The following ZSCAN5A variants were observed in gnomAD, a reference collection of about 807,000 sequenced individuals.
The protein encoded by ZSCAN5A is zinc finger and SCAN domain-containing protein 5A.
Under a neutral mutation model 23.7 loss-of-function variants are expected in ZSCAN5A, and 12 were observed. The ratio of observed to expected loss-of-function variants is 0.51; its 90% CI spans 0.32 to 0.82. The LOEUF is 0.82. Ranked by LOEUF, ZSCAN5A falls within the 40% of genes least tolerant of loss-of-function variation. ZSCAN5A has a pLI of 0.03. For synonymous variants in ZSCAN5A, 257 were observed against 239.9 expected, an observed-to-expected ratio of 1.07 and a Z score of -0.66; for missense variants, 597 against 617.9, an observed-to-expected ratio of 0.97 and a Z score of 0.36.
intron 2 of ZSCAN5A, among the ~76,000 whole-genome samples, chr19:56,271,821 A>G (rs1445835513): frequency 6.6e-6 from 1 of 152,156 alleles, no homozygotes; most frequent in Non-Finnish European, 1.5e-5. Context: ...AGTGGTCTCT[A>G]CACTCTGCCT....
At chr19:56,360,599 A>T (rs2041728049) in intron 2 of ZSCAN5A, among the ~76,000 whole-genome samples, 1 of 152,228 alleles carries the variant, frequency 6.6e-6, no homozygotes, top group African/African-American at 2.4e-5. Flanking sequence ...TTCCCTATTT[A>T]AAAATGATGT....
chr19:56,222,379 C>A, intron 5 of ZSCAN5A, 53 bp from the exon 6 acceptor site: 5 of 1,592,084 alleles, frequency 3.1e-6, no homozygotes, highest in Admixed American at 1.7e-5. Context: ...TTCAATACAC[C>A]AAACTCATTG....
chr19:56,353,653 G>A (rs2041682956), intron 2 of ZSCAN5A, among the ~76,000 whole-genome samples: 1 of 151,944 alleles, frequency 6.6e-6, no homozygotes, highest in Admixed American at 6.6e-5. Context: ...GTGGTGGCAG[G>A]CACCTGTAGT....
intron 2 of ZSCAN5A, among the ~76,000 whole-genome samples, chr19:56,288,033 G>A (rs984558247): frequency 6.6e-6 from 1 of 152,208 alleles, no homozygotes; most frequent in African/African-American, 2.4e-5. Context: ...TGAGGAGACT[G>A]AGGCACAAGG....
In ZSCAN5A at chr19:56,327,712, A is replaced by C. The variant is rs973142080; in HGVS notation, c.-357-11444T>G. Among the ~76,000 whole-genome samples the C allele has an allele frequency of 8.6e-5, 13 of 151,564 alleles. No homozygotes were observed. In the South Asian group the frequency reaches 1.7e-3, roughly 19 times the overall value. On this transcript the variant is annotated intron_variant, in intron 2 of 6. Transcript: ENST00000587340. ...CTATACAAATACTATACAATACATA[A>C]ATTTATGTATATATTCAATTTTACA...
In ZSCAN5A at chr19:56,358,477, C is replaced by T. The variant is rs985729683; in HGVS notation, c.-358+4758G>A. 4.0e-5 allele frequency among the ~76,000 whole-genome samples: 5 copies of T among 125,744 alleles called. 1 individual carries two copies. Among genetic ancestry groups the T allele is most frequent in the Admixed American group, 2.2e-4 (3 of 13,580 alleles). The allele number at this position is 125,744 out of a possible 152,430, so 82.5% of individuals were successfully genotyped here. Reference sequence around the variant, plus strand: ...GACTTGAATACCCACCCAATAATAGCGGGAGACTTTAATACCTCACTGCCA... The same window carrying T: ...GACTTGAATACCCACCCAATAATAGTGGGAGACTTTAATACCTCACTGCCA... On this transcript the variant is annotated intron_variant, in intron 2 of 6. Coordinates refer to the ZSCAN5A transcript ENST00000587340.
rs1190390490 is a variant in ZSCAN5A, at chr19:56,222,699, C to T, written c.631G>A (p.Asp211Asn). 6.2e-7 allele frequency: 1 copy of T among 1,614,036 alleles called. No homozygotes were observed. The highest frequency in any genetic ancestry group is 8.5e-7 in the Non-Finnish European group (1 of 1,180,042). The change falls in exon 5 of 6, where the codon GAC (aspartate) becomes AAC (asparagine). Residue 211 changes from aspartate to asparagine, a missense_variant. Coordinates refer to ENST00000683990, the MANE Select transcript of ZSCAN5A (RefSeq NM_001322064.3). ...LLHKSIDVTGDPKSLRPKQTL... is the reference protein window; with the variant it reads ...LLHKSIDVTGNPKSLRPKQTL... ...TGCTTGGGTCTCAGAGACTTTGGGT[C>T]ACCTGTTACGTCAATACTCTTGTGT...
At chr19:56,365,923 A>G (rs77080105) in intron 1 of ZSCAN5A, 5,095 of 152,342 alleles carry the variant, frequency 0.033, 108 homozygotes, top group Middle Eastern at 0.088. Flanking sequence ...CTCACAGTGA[A>G]GATCTGAGAA....
chr19:56,301,405 T>G (rs1270695690), intron 2 of ZSCAN5A, among the ~76,000 whole-genome samples: 1 of 152,076 alleles, frequency 6.6e-6, no homozygotes, highest in Non-Finnish European at 1.5e-5. Flanking sequence ...CTGGTGGGCG[T>G]GTCTCTTAGC....
At chr19:56,222,486 G>A in intron 5 of ZSCAN5A, 105 bp downstream of exon 5, 1 of 1,553,026 alleles carries the variant, frequency 6.4e-7, no homozygotes, top group African/African-American at 1.4e-5. Flanking sequence ...GGGAGGCTTT[G>A]ACAGCTGAGT....
intron 2 of ZSCAN5A, among the ~76,000 whole-genome samples, chr19:56,309,361 CCA>C (rs1485676212): frequency 6.6e-6 from 1 of 152,120 alleles, no homozygotes; most frequent in East Asian, 1.9e-4. Context: ...TGAAAATGTT[CCA>C]CTCTTAGAAG....
intron 2 of ZSCAN5A, among the ~76,000 whole-genome samples, chr19:56,329,125 G>A (rs553295797): frequency 6.6e-6 from 1 of 152,220 alleles, no homozygotes; most frequent in African/African-American, 2.4e-5. Context: ...AAGGTGGATG[G>A]ATCAGTTGAG....
intron 2 of ZSCAN5A, among the ~76,000 whole-genome samples, chr19:56,323,533 CTTTT>C (rs35501936): frequency 4.0e-5 from 5 of 123,648 alleles, no homozygotes; most frequent in Admixed American, 8.1e-5. Flanking sequence ...TGAGGCAGAA[CTTTT>C]TTTTTTTTTT....
chr19:56,361,087 T>G (rs2041731155), intron 2 of ZSCAN5A, among the ~76,000 whole-genome samples: 1 of 151,824 alleles, frequency 6.6e-6, no homozygotes, highest in South Asian at 2.1e-4. Context: ...AAAAAAAAGC[T>G]GAATATCACT....
intron 2 of ZSCAN5A, among the ~76,000 whole-genome samples, chr19:56,306,384 C>T (rs2040692489): frequency 1.9e-5 from 2 of 105,760 alleles, no homozygotes; most frequent in East Asian, 3.0e-4. Context: ...TCTCCCACGT[C>T]GCCAGAGAAA....
intron 2 of ZSCAN5A, among the ~76,000 whole-genome samples, chr19:56,270,959 C>G (rs912416666): frequency 2.0e-5 from 3 of 152,198 alleles, no homozygotes; most frequent in African/African-American, 7.2e-5. Flanking sequence ...TCTGACTCAT[C>G]TCTGTCCCCA....
intron 1 of ZSCAN5A, among the ~76,000 whole-genome samples, chr19:56,364,730 G>C (rs1484311034): frequency 6.6e-6 from 1 of 152,216 alleles, no homozygotes; most frequent in Non-Finnish European, 1.5e-5. Flanking sequence ...TCATGCAATG[G>C]AATGCTACTA....
At chr19:56,282,428 T>C (rs2038782620) in intron 2 of ZSCAN5A, 1 of 948,722 alleles carries the variant, frequency 1.1e-6, no homozygotes, top group Non-Finnish European at 1.3e-6. Flanking sequence ...GAACCTTCAT[T>C]GGCAATATGG....
chr19:56,328,633 CA>C (rs35621218), intron 2 of ZSCAN5A, among the ~76,000 whole-genome samples: 10,367 of 138,854 alleles, frequency 0.075, 418 homozygotes, highest in South Asian at 0.17. Flanking sequence ...GACTCTGACT[CA>C]AAAAAAAAAA....
Sources: allele counts gnomAD v4.1 joint callset (sites outside exome capture counted in the v4.1 genomes callset), GRCh38; gene constraint gnomAD v4.1.1; transcripts MANE v1.5; gene names NCBI Gene and HGNC (gene_info 2026-07-23, HGNC 2026-07-21).